NRG2: variants seen among roughly 807,000 people sequenced by gnomAD.
NRG2 encodes the protein neuregulin 2.
A neutral mutation model predicts 73.9 loss-of-function variants in NRG2; 27 were observed. The observed-to-expected ratio is 0.37, with a 90% CI of 0.27 to 0.50. The LOEUF is 0.50. NRG2 is among the 20% of genes least tolerant of loss of function. The pLI, the probability that NRG2 is intolerant of heterozygous loss-of-function variation, is 0.96. For synonymous variants in NRG2, 532 were observed against 541.0 expected, an observed-to-expected ratio of 0.98 and a Z score of 0.23; for missense variants, 1,126 against 1,210.1, an observed-to-expected ratio of 0.93 and a Z score of 1.03.
At chr5:139,874,766 C>A (rs887908159) in intron 3 of NRG2, among the ~76,000 whole-genome samples, 2 of 152,136 alleles carry the variant, frequency 1.3e-5, no homozygotes, top group Non-Finnish European at 2.9e-5. Flanking sequence ...TGGGCTTCAC[C>A]ACCTCTCCCA....
chr5:139,892,461 G>T (rs1437243560), intron 1 of NRG2, among the ~76,000 whole-genome samples: 1 of 152,092 alleles, frequency 6.6e-6, no homozygotes, highest in Admixed American at 6.6e-5. Flanking sequence ...GGTCATGTGG[G>T]ATAAGGCTGA....
intron 1 of NRG2, among the ~76,000 whole-genome samples, chr5:140,028,163 T>G (rs1760849705): frequency 6.6e-6 from 1 of 152,196 alleles, no homozygotes; most frequent in Admixed American, 6.5e-5. Flanking sequence ...CTGGCAAAAT[T>G]TCAATAAGGT....
chr5:140,013,020 A>G (rs1298273166), intron 1 of NRG2, among the ~76,000 whole-genome samples: 2 of 151,624 alleles, frequency 1.3e-5, no homozygotes, highest in East Asian at 3.9e-4. Context: ...TCACCCACCT[A>G]CTCTTCTAGA....
chr5:139,949,149 G>C (rs894367266), intron 1 of NRG2, among the ~76,000 whole-genome samples: 1 of 152,076 alleles, frequency 6.6e-6, no homozygotes, highest in Non-Finnish European at 1.5e-5. Context: ...CTCCCTTTAA[G>C]GGAGAAAGAA....
chr5:139,992,605 A>G (rs1757717604), intron 1 of NRG2, among the ~76,000 whole-genome samples: 1 of 152,216 alleles, frequency 6.6e-6, no homozygotes, highest in Admixed American at 6.5e-5. Context: ...GTTGGTTAGA[A>G]GTTCCCCTTC....
chr5:139,940,171 T>C (rs185246352), intron 1 of NRG2, among the ~76,000 whole-genome samples: 1 of 152,186 alleles, frequency 6.6e-6, no homozygotes, highest in East Asian at 1.9e-4. Context: ...GAAGTTTTAA[T>C]TGCCCCAAAC....
chr5:139,980,779 T>C (rs1240682382), intron 1 of NRG2, among the ~76,000 whole-genome samples: 1 of 152,216 alleles, frequency 6.6e-6, no homozygotes, highest in Non-Finnish European at 1.5e-5. Context: ...TCCCTGTCTC[T>C]TCTTCCTACC....
chr5:139,936,321 T>C (rs1752850011), intron 1 of NRG2, among the ~76,000 whole-genome samples: 1 of 152,072 alleles, frequency 6.6e-6, no homozygotes, highest in Non-Finnish European at 1.5e-5. Flanking sequence ...GTATCAACAA[T>C]GAGAAAAGAG....
intron 1 of NRG2, among the ~76,000 whole-genome samples, chr5:139,940,988 T>C (rs902812347): frequency 2.0e-5 from 3 of 151,984 alleles, no homozygotes; most frequent in Non-Finnish European, 4.4e-5. Context: ...CAGTAAGGAA[T>C]TAGCCAACAG....
intron 1 of NRG2, among the ~76,000 whole-genome samples, chr5:139,900,678 A>G (rs1339288182): frequency 6.6e-6 from 1 of 152,222 alleles, no homozygotes; most frequent in East Asian, 1.9e-4. Flanking sequence ...GAGGAGGGCT[A>G]GTGGAGTAAG....
chr5:139,990,103 TA>T (rs1284305512), intron 1 of NRG2, among the ~76,000 whole-genome samples: 2 of 151,702 alleles, frequency 1.3e-5, no homozygotes, highest in Non-Finnish European at 2.9e-5. Flanking sequence ...ATTATTATTT[TA>T]TTATTATGAA....
At chr5:139,978,578 C>A (rs528866062) in intron 1 of NRG2, among the ~76,000 whole-genome samples, 1 of 152,084 alleles carries the variant, frequency 6.6e-6, no homozygotes, top group Admixed American at 6.6e-5. Flanking sequence ...CATTTGACCC[C>A]GCCATCCCAT....
chr5:140,021,543 C>T (rs1389637044), intron 1 of NRG2, among the ~76,000 whole-genome samples: 4 of 152,184 alleles, frequency 2.6e-5, no homozygotes, highest in Non-Finnish European at 5.9e-5. Flanking sequence ...AATCTCAGCA[C>T]GTTCATGTCA....
At chr5:139,935,915 C>T (rs1178746606) in intron 1 of NRG2, among the ~76,000 whole-genome samples, 2 of 149,286 alleles carry the variant, frequency 1.3e-5, no homozygotes, top group African/African-American at 2.5e-5. Context: ...GCCAAGACTG[C>T]ACCACTGCAC....
chr5:139,849,264 G>C (rs1421027703), intron 9 of NRG2, among the ~76,000 whole-genome samples: 1 of 152,168 alleles, frequency 6.6e-6, no homozygotes, highest in Non-Finnish European at 1.5e-5. Context: ...CAGGAACCAG[G>C]ACTCATACTG....
rs1055115823 is a variant in NRG2 at position 139,868,068 on chromosome 5, C to T, written c.1113-2443G>A. Among the ~76,000 whole-genome samples the T allele has an allele frequency of 1.3e-5, 2 of 152,216 alleles. No individual in the cohort carries two copies. The highest frequency in any genetic ancestry group is 2.9e-5 in the Non-Finnish European group (2 of 68,008). On this transcript the variant is annotated intron_variant, in intron 4 of 9. Coordinates refer to ENST00000361474, the MANE Select transcript of NRG2 (RefSeq NM_004883.3). This position sits in a 1 kb window ranked among gnomAD's most constrained non-coding sequence, Gnocchi z 4.2. ...GCACAACATTATGGTCCTAACCTTC[C>T]TTCCTTGAGAAAATGTGCTCCCCGC...
intron 1 of NRG2, among the ~76,000 whole-genome samples, chr5:139,977,308 C>T (rs1039990320): frequency 2.6e-5 from 4 of 152,066 alleles, no homozygotes; most frequent in Admixed American, 6.6e-5. Context: ...GTTGTCCTTG[C>T]TATAGAGGGG....
chr5:139,911,286 A>G (rs1048809002), intron 1 of NRG2, among the ~76,000 whole-genome samples: 6 of 151,980 alleles, frequency 3.9e-5, no homozygotes, highest in African/African-American at 1.2e-4. Context: ...CATCTAGAAA[A>G]TGTGAGGTTG....
At chr5:139,848,756 GGGT>G in intron 9 of NRG2, 59 bp from the exon 10 acceptor site, 1 of 788,370 alleles carries the variant, frequency 1.3e-6, no homozygotes. Context: ...GGGGGAGGGG[GGGT>G]TGGGGGTGGG....
Sources: allele counts gnomAD v4.1 joint callset (sites outside exome capture counted in the v4.1 genomes callset), GRCh38; gene constraint gnomAD v4.1.1; non-coding constraint Gnocchi (gnomAD v3.1); transcripts MANE v1.5; gene names NCBI Gene and HGNC (gene_info 2026-07-23, HGNC 2026-07-21).